PTPRT: variants seen among roughly 807,000 people sequenced by gnomAD.
The protein encoded by PTPRT is protein tyrosine phosphatase receptor type T, also known as receptor-type tyrosine-protein phosphatase T.
Under a neutral mutation model 176.8 loss-of-function variants are expected in PTPRT, and 56 were observed. The observed-to-expected ratio is 0.32, with a 90% CI of 0.26 to 0.40. PTPRT has a LOEUF of 0.40. Ranked by LOEUF, PTPRT falls within the 10% of genes least tolerant of loss-of-function variation. The pLI, the probability that PTPRT is intolerant of heterozygous loss-of-function variation, is 1.00. For missense variants in PTPRT, 1,540 were observed against 1,908.2 expected, an observed-to-expected ratio of 0.81 and a Z score of 3.60; for synonymous variants, 783 against 739.0, an observed-to-expected ratio of 1.06 and a Z score of -0.96.
intron 7 of PTPRT, among the ~76,000 whole-genome samples, chr20:42,608,256 T>C (rs2073916462): frequency 6.6e-6 from 1 of 152,260 alleles, no homozygotes; most frequent in African/African-American, 2.4e-5. Flanking sequence ...CCAGTCCCCT[T>C]GTCTGATGAA....
At chr20:42,598,752 C>A (rs964255173) in intron 7 of PTPRT, among the ~76,000 whole-genome samples, 1 of 152,066 alleles carries the variant, frequency 6.6e-6, no homozygotes, top group African/African-American at 2.4e-5. Flanking sequence ...GAGATGGCCT[C>A]CAACATCTGA....
rs185356366 is a variant in PTPRT at position 43,098,482 on chromosome 20, C to T, written c.88+91164G>A. The stretch of plus-strand genomic sequence containing the variant: ...TAAGAGTGCCAGGTAACTAAGTATT[C>T]GTTAAATAAGAAGCGCTCCCTCATA... On this transcript the variant is annotated intron_variant, in intron 1 of 30. Transcript: ENST00000373187. 7.2e-5 allele frequency among the ~76,000 whole-genome samples: 11 copies of T among 151,940 alleles called. No homozygotes were observed. The East Asian group carries it at 7.7e-4, about 11-fold the overall frequency.
chr20:42,064,048 G>T, the PTPRT span: 1 of 150,796 alleles, frequency 6.6e-6, no homozygotes, highest in South Asian at 2.1e-4. Flanking sequence ...TTGATCAGGG[G>T]ATACTAGATA....
At chr20:42,498,005 G>C (rs1390713610) in intron 7 of PTPRT, among the ~76,000 whole-genome samples, 1 of 152,102 alleles carries the variant, frequency 6.6e-6, no homozygotes, top group Non-Finnish European at 1.5e-5. Context: ...GTAATGTCAT[G>C]ACTTTTCTCT....
chr20:42,082,808 G>A (rs1308204955), intron 29 of PTPRT, among the ~76,000 whole-genome samples: 2 of 152,158 alleles, frequency 1.3e-5, no homozygotes, highest in Non-Finnish European at 2.9e-5. Context: ...GAACTCCTGG[G>A]CGTGTTGCCA....
intron 2 of PTPRT, among the ~76,000 whole-genome samples, chr20:42,810,969 C>T (rs1274571137): frequency 6.6e-6 from 1 of 152,148 alleles, no homozygotes; most frequent in Non-Finnish European, 1.5e-5. Flanking sequence ...CTTTTATGCT[C>T]TTTAAATTTT....
At chr20:43,064,336 C>T (rs1987595445) in intron 1 of PTPRT, among the ~76,000 whole-genome samples, 1 of 152,128 alleles carries the variant, frequency 6.6e-6, no homozygotes, top group African/African-American at 2.4e-5. Flanking sequence ...TCCTGAATGA[C>T]TGAAGAGTAT....
chr20:42,116,289 G>A (rs765886056), intron 21 of PTPRT, among the ~76,000 whole-genome samples: 1 of 152,132 alleles, frequency 6.6e-6, no homozygotes, highest in Non-Finnish European at 1.5e-5. Flanking sequence ...CACAGAGGAC[G>A]CAGCATTTCC....
chr20:42,522,862 T>A (rs1392979675), intron 7 of PTPRT, among the ~76,000 whole-genome samples: 1 of 152,198 alleles, frequency 6.6e-6, no homozygotes, highest in Non-Finnish European at 1.5e-5. Flanking sequence ...GAAGAGAATA[T>A]AGTCCAAAAT....
chr20:42,065,797 G>C, the PTPRT span, among the ~76,000 whole-genome samples: 2 of 152,170 alleles, frequency 1.3e-5, no homozygotes, highest in African/African-American at 4.8e-5. Context: ...TGGAGAAGTG[G>C]ATACTGGTGA....
chr20:42,404,492 A>C (rs1025701737), intron 9 of PTPRT, among the ~76,000 whole-genome samples: 1 of 152,138 alleles, frequency 6.6e-6, no homozygotes, highest in African/African-American at 2.4e-5. Context: ...TTACAGCATC[A>C]AATAGAAAAA....
At chr20:42,416,375 G>T (rs2059066146) in intron 9 of PTPRT, among the ~76,000 whole-genome samples, 2 of 152,188 alleles carry the variant, frequency 1.3e-5, no homozygotes, top group African/African-American at 4.8e-5. Flanking sequence ...CTCCAGAATT[G>T]TAAGAGAATA....
intron 7 of PTPRT, among the ~76,000 whole-genome samples, chr20:42,670,555 T>C (rs1285009540): frequency 6.6e-6 from 1 of 152,122 alleles, no homozygotes; most frequent in African/African-American, 2.4e-5. Context: ...TAGAAATCCA[T>C]AAATATGTAA....
At chr20:43,145,506 C>T (rs190921462) in intron 1 of PTPRT, among the ~76,000 whole-genome samples, 156 of 152,338 alleles carry the variant, frequency 1.0e-3, no homozygotes, top group Middle Eastern at 3.4e-3. Flanking sequence ...TTTTCTATTA[C>T]ATACTGTTAA....
chr20:43,140,952 C>T (rs555026587), intron 1 of PTPRT, among the ~76,000 whole-genome samples: 84 of 152,224 alleles, frequency 5.5e-4, no homozygotes, highest in Non-Finnish European at 7.9e-4. Context: ...TCAACATATT[C>T]GGACTCACAC....
In PTPRT at chr20:43,063,097, G is replaced by C. The variant is rs560236257; in HGVS notation, c.88+126549C>G. Among the ~76,000 whole-genome samples, 7 of 152,214 alleles carry C rather than the reference G, an allele frequency of 4.6e-5. No homozygotes were observed. In the South Asian group the frequency reaches 1.5e-3, roughly 32 times the overall value. ...ATTTATCCAAAGCTCAAGCAAAGGT[G>C]AATTAGAAATTTTCAGGGTTCTTGG... On this transcript the variant is annotated intron_variant, in intron 1 of 30. Coordinates refer to ENST00000373187, the MANE Select transcript of PTPRT (RefSeq NM_007050.6).
At chr20:42,554,947 C>T (rs973772969) in intron 7 of PTPRT, among the ~76,000 whole-genome samples, 33 of 152,312 alleles carry the variant, frequency 2.2e-4, no homozygotes, top group African/African-American at 7.5e-4. Flanking sequence ...CGTTCCAACA[C>T]AGACATTTGA....
chr20:42,443,035 G>A (rs187912538), intron 9 of PTPRT, among the ~76,000 whole-genome samples: 2 of 152,292 alleles, frequency 1.3e-5, no homozygotes, highest in East Asian at 3.9e-4. Flanking sequence ...CAGGGTTCTG[G>A]AAGAGTCTAT....
At chr20:42,217,709 T>C (rs1222245322) in intron 15 of PTPRT, among the ~76,000 whole-genome samples, 1 of 152,126 alleles carries the variant, frequency 6.6e-6, no homozygotes, top group South Asian at 2.1e-4. Flanking sequence ...TCCTCCTTGG[T>C]TTCCACCCTC....
Sources: gnomAD v4.1 joint callset for allele counts (sites outside exome capture counted in the v4.1 genomes callset) on GRCh38, gnomAD v4.1.1 for gene constraint, MANE v1.5 for transcripts, NCBI Gene and HGNC (gene_info 2026-07-23, HGNC 2026-07-21) for gene names.